The following UST variants were observed in gnomAD, a reference collection of about 807,000 sequenced individuals.
UST encodes chondroitin sulfate 2-O-sulfotransferase.
A neutral mutation model predicts 45.6 loss-of-function variants in UST; 21 were observed. The observed-to-expected ratio is 0.46, with a 90% CI of 0.33 to 0.66. The LOEUF is 0.66. Ranked by LOEUF, UST falls within the 30% of genes least tolerant of loss-of-function variation. The pLI is 0.02. For missense variants in UST, 463 were observed against 512.4 expected, an observed-to-expected ratio of 0.90 and a Z score of 0.93; for synonymous variants, 215 against 200.6, an observed-to-expected ratio of 1.07 and a Z score of -0.61.
chr6:149,069,850 G>A (rs1220912839), intron 7 of UST, among the ~76,000 whole-genome samples: 1 of 152,188 alleles, frequency 6.6e-6, no homozygotes, highest in Non-Finnish European at 1.5e-5. Context: ...TTTTGCAAGT[G>A]ATTGAAGACT....
At chr6:149,035,590 CA>C (rs961622566) in intron 7 of UST, among the ~76,000 whole-genome samples, 12 of 146,848 alleles carry the variant, frequency 8.2e-5, no homozygotes, top group African/African-American at 7.5e-5. Flanking sequence ...CCTGTCTCTA[CA>C]AAAAAAAAAT....
At chr6:148,927,359 T>G (rs558288008) in intron 2 of UST, among the ~76,000 whole-genome samples, 29 of 152,308 alleles carry the variant, frequency 1.9e-4, no homozygotes, top group African/African-American at 6.3e-4. Flanking sequence ...CTAATTGCCA[T>G]AGTTGAACAA....
chr6:148,748,410 T>C lies in UST; in HGVS notation c.247+733T>C, dbSNP rs1775921260. Reference sequence around the variant, plus strand: ...GCTCAAGTCAAAACTTGTGTGTGTGTGTGTGTGTGTGTGTGTGTGTGTGTG... The same window carrying C: ...GCTCAAGTCAAAACTTGTGTGTGTGCGTGTGTGTGTGTGTGTGTGTGTGTG... On this transcript the variant is annotated intron_variant, in intron 1 of 7. Transcript: ENST00000367463. The surrounding 1 kb of genome is among the most constrained non-coding windows in gnomAD (Gnocchi z 5.3). Among the ~76,000 whole-genome samples the C allele has an allele frequency of 1.2e-5, 1 of 80,558 alleles. No homozygotes were observed. The highest frequency in any genetic ancestry group is 4.5e-4 in the South Asian group (1 of 2,228). The allele number at this position is 80,558 out of a possible 152,430, so 52.8% of individuals were successfully genotyped here.
chr6:149,067,482 A>G (rs1001394154), intron 7 of UST, among the ~76,000 whole-genome samples: 68 of 152,278 alleles, frequency 4.5e-4, no homozygotes, highest in African/African-American at 1.6e-3. Context: ...CTTGTAGCCA[A>G]ACATGAAAAA....
chr6:148,946,064 C>T (rs1780228717), intron 3 of UST, among the ~76,000 whole-genome samples: 1 of 152,196 alleles, frequency 6.6e-6, no homozygotes. Flanking sequence ...TCCTGTTGCT[C>T]TTGCCCCCTG....
intron 1 of UST, among the ~76,000 whole-genome samples, chr6:148,849,806 C>G (rs1778070288): frequency 6.6e-6 from 1 of 152,140 alleles, no homozygotes; most frequent in East Asian, 1.9e-4. Context: ...GGGATTATTA[C>G]AATTCAAAGT....
intron 2 of UST, among the ~76,000 whole-genome samples, chr6:148,922,981 T>C (rs1779741851): frequency 6.6e-6 from 1 of 151,938 alleles, no homozygotes; most frequent in African/African-American, 2.4e-5. Flanking sequence ...TTAGTAGAGA[T>C]GGAGTTTCAC....
chr6:149,027,805 A>C (rs568686423), intron 7 of UST: 1 of 151,738 alleles, frequency 6.6e-6, no homozygotes, highest in Non-Finnish European at 1.5e-5. Flanking sequence ...GTATGTCATA[A>C]TGCAGTCAAA....
intron 2 of UST, among the ~76,000 whole-genome samples, chr6:148,924,982 A>G (rs1779784446): frequency 6.6e-6 from 1 of 152,100 alleles, no homozygotes; most frequent in Non-Finnish European, 1.5e-5. Context: ...TTATTTTTCT[A>G]ATATTCATGT....
chr6:148,982,264 A>G (rs1304119586), intron 5 of UST, among the ~76,000 whole-genome samples: 1 of 151,988 alleles, frequency 6.6e-6, no homozygotes, highest in Non-Finnish European at 1.5e-5. Context: ...ACACCTGGCT[A>G]ATTTTTTTAT....
At chr6:148,759,278 C>A (rs993825933) in intron 1 of UST, among the ~76,000 whole-genome samples, 1 of 152,166 alleles carries the variant, frequency 6.6e-6, no homozygotes, top group Admixed American at 6.5e-5. Flanking sequence ...GTAATCCCAG[C>A]ACTTTGGGAG....
intron 1 of UST, among the ~76,000 whole-genome samples, chr6:148,874,041 G>A (rs193014778): frequency 1.3e-5 from 2 of 152,366 alleles, no homozygotes; most frequent in African/African-American, 2.4e-5. Context: ...GGCTTGCCAT[G>A]TGCAGGGCTG....
chr6:148,839,900 G>T (rs757874889), intron 1 of UST, among the ~76,000 whole-genome samples: 1 of 152,082 alleles, frequency 6.6e-6, no homozygotes, highest in East Asian at 1.9e-4. Context: ...GCCAGTAAAT[G>T]GTAAGGTGGA....
intron 1 of UST, among the ~76,000 whole-genome samples, chr6:148,760,385 G>C (rs894896365): frequency 6.6e-6 from 1 of 152,192 alleles, no homozygotes; most frequent in Non-Finnish European, 1.5e-5. Context: ...CCATTTCACT[G>C]TGGGCAGCTC....
chr6:148,851,532 T>C (rs9403992), intron 1 of UST, among the ~76,000 whole-genome samples: 56,216 of 152,106 alleles, frequency 0.37, 11,255 homozygotes, highest in East Asian at 0.54. Context: ...ATACATATAA[T>C]GTATATCTCT....
At chr6:148,793,532 C>CT (rs1195037883) in intron 1 of UST, among the ~76,000 whole-genome samples, 1 of 152,194 alleles carries the variant, frequency 6.6e-6, no homozygotes, top group Non-Finnish European at 1.5e-5. Flanking sequence ...GGAACACATT[C>CT]TGAGAAATGT....
At chr6:148,896,251 A>C (rs1779126928) in intron 2 of UST, among the ~76,000 whole-genome samples, 1 of 152,332 alleles carries the variant, frequency 6.6e-6, no homozygotes, top group African/African-American at 2.4e-5. Flanking sequence ...AGAAAAATGA[A>C]TTTCTTGTTT....
rs139856977 is a variant in UST at position 148,916,739 on chromosome 6, C to T, written c.292-24540C>T. Among the ~76,000 whole-genome samples the T allele has an allele frequency of 7.6e-3, 1,151 of 152,316 alleles. 19 individuals are homozygous for T. The highest frequency in any genetic ancestry group is 0.026 in the African/African-American group (1,073 of 41,574). ...GCCCCCACATAGCCCCAGCACCTTG[C>T]GTTTGAGCACACCACTTCCCAGGTT... On this transcript the variant is annotated intron_variant, in intron 2 of 7. Coordinates refer to ENST00000367463, the MANE Select transcript of UST (RefSeq NM_005715.3).
chr6:148,849,395 A>G (rs1018868552), intron 1 of UST, among the ~76,000 whole-genome samples: 2 of 152,232 alleles, frequency 1.3e-5, no homozygotes, highest in African/African-American at 4.8e-5. Flanking sequence ...CATCTAGTTG[A>G]AAAAGGCAAT....
Sources: allele counts gnomAD v4.1 joint callset (sites outside exome capture counted in the v4.1 genomes callset), GRCh38; gene constraint gnomAD v4.1.1; non-coding constraint Gnocchi (gnomAD v3.1); transcripts MANE v1.5; gene names NCBI Gene and HGNC (gene_info 2026-07-23, HGNC 2026-07-21).